RIC1: variants seen among roughly 807,000 people sequenced by gnomAD.
RIC1 encodes the protein RIC1 partner of RAB6A GEF complex, also known as guanine nucleotide exchange factor subunit RIC1.
In RIC1, 88 loss-of-function variants were observed where a neutral mutation model predicts 169.0. The observed-to-expected ratio is 0.52, with a 90% CI of 0.44 to 0.62. RIC1 has a LOEUF of 0.62. Ranked by LOEUF, RIC1 falls within the 20% of genes least tolerant of loss-of-function variation. The pLI is 0.00. For synonymous variants in RIC1, 790 were observed against 601.5 expected, an observed-to-expected ratio of 1.31 and a Z score of -4.59; for missense variants, 1,877 against 1,725.5, an observed-to-expected ratio of 1.09 and a Z score of -1.56.
chr9:5,686,541 A>C lies in RIC1; in HGVS notation c.253-3418A>C, dbSNP rs1821238544. Among the ~76,000 whole-genome samples, 3 of 148,708 alleles carry C rather than the reference A, an allele frequency of 2.0e-5. No homozygotes were observed. The Admixed American group carries it at 2.0e-4, about 10-fold the overall frequency. On this transcript the variant is annotated intron_variant, in intron 2 of 25. Coordinates refer to ENST00000414202, the MANE Select transcript of RIC1 (RefSeq NM_020829.4). ...CTATCACAAGAACAAAAAACCAAAC[A>C]CCGCATATTCTCACTCATAGGTGGG...
At chr9:5,639,630 T>C (rs889161219) in intron 1 of RIC1, among the ~76,000 whole-genome samples, 3 of 152,224 alleles carry the variant, frequency 2.0e-5, no homozygotes, top group Non-Finnish European at 4.4e-5. Flanking sequence ...TTAAGTCCGA[T>C]GTTTCTTTGT....
Position 5,720,595 on chromosome 9 carries a change from T to A in RIC1, c.584-19T>A, listed in dbSNP as rs1823528678. The A allele has an allele frequency of 6.4e-7, 1 of 1,572,378 alleles. No homozygotes were observed. On this transcript the variant is annotated intron_variant, in intron 5 of 25. Coordinates refer to ENST00000414202, the MANE Select transcript of RIC1 (RefSeq NM_020829.4). Reference sequence around the variant, plus strand: ...ATTATATTCTTAATCCTATTTCATGTGCTTATTTTTTTCATCAGTAGGTTC... The same window carrying A: ...ATTATATTCTTAATCCTATTTCATGAGCTTATTTTTTTCATCAGTAGGTTC...
chr9:5,749,881 C>T (rs1314938750), intron 12 of RIC1, among the ~76,000 whole-genome samples: 4 of 143,556 alleles, frequency 2.8e-5, no homozygotes, highest in Admixed American at 7.7e-5. Flanking sequence ...AGGGTTCAAG[C>T]GATTCTGCTG....
At chr9:5,760,340 C>G (rs1302297892) in intron 17 of RIC1, among the ~76,000 whole-genome samples, 3 of 152,160 alleles carry the variant, frequency 2.0e-5, no homozygotes, top group Non-Finnish European at 1.5e-5. Flanking sequence ...TTGCAGTCAT[C>G]TTTAACGTTA....
At chr9:5,702,779 T>C (rs1822312813) in intron 3 of RIC1, among the ~76,000 whole-genome samples, 1 of 152,146 alleles carries the variant, frequency 6.6e-6, no homozygotes, top group Non-Finnish European at 1.5e-5. Flanking sequence ...ACTCCTGAGC[T>C]CAGGCATTCT....
At chr9:5,675,749 T>C (rs1820405717) in intron 2 of RIC1, among the ~76,000 whole-genome samples, 1 of 152,146 alleles carries the variant, frequency 6.6e-6, no homozygotes, top group African/African-American at 2.4e-5. Flanking sequence ...GGAGGAATCA[T>C]ATGTAAAAAC....
chr9:5,764,841 T>C (rs1443080100), intron 19 of RIC1, among the ~76,000 whole-genome samples: 1 of 152,346 alleles, frequency 6.6e-6, no homozygotes, highest in East Asian at 1.9e-4. Flanking sequence ...TTGCTATGGA[T>C]TGGCAGATAA....
intron 8 of RIC1, among the ~76,000 whole-genome samples, chr9:5,740,415 T>C (rs1825008528): frequency 6.6e-6 from 1 of 152,032 alleles, no homozygotes; most frequent in African/African-American, 2.4e-5. Flanking sequence ...CTGGTACCAA[T>C]ATCTGTATTA....
intron 3 of RIC1, among the ~76,000 whole-genome samples, chr9:5,701,059 A>T (rs866125563): frequency 5.9e-5 from 9 of 152,192 alleles, no homozygotes; most frequent in African/African-American, 2.2e-4. Flanking sequence ...AATTTATCAA[A>T]ACTATCACTA....
intron 3 of RIC1, among the ~76,000 whole-genome samples, chr9:5,695,880 T>G (rs924394869): frequency 6.6e-6 from 1 of 152,124 alleles, no homozygotes; most frequent in Admixed American, 6.5e-5. Context: ...CTATTATGTC[T>G]TCTTAATGTC....
chr9:5,641,874 C>G (rs1818268275), intron 1 of RIC1, among the ~76,000 whole-genome samples: 1 of 144,162 alleles, frequency 6.9e-6, no homozygotes, highest in Admixed American at 6.7e-5. Flanking sequence ...TTTTGAATTC[C>G]TGCCTGAAAG....
intron 7 of RIC1, among the ~76,000 whole-genome samples, chr9:5,733,553 G>A (rs1345044594): frequency 1.3e-5 from 2 of 151,980 alleles, no homozygotes; most frequent in African/African-American, 4.8e-5. Flanking sequence ...GTGAGCCACC[G>A]TGCCCGGCCA....
intron 12 of RIC1, among the ~76,000 whole-genome samples, 156 bp downstream of exon 12, chr9:5,747,661 C>G (rs997862826): frequency 3.3e-5 from 5 of 152,238 alleles, no homozygotes; most frequent in African/African-American, 1.2e-4. Flanking sequence ...TTCTTGTCCT[C>G]TAGTCTTCTC....
intron 17 of RIC1, among the ~76,000 whole-genome samples, chr9:5,758,492 ATT>A (rs1412403073): frequency 6.6e-6 from 1 of 152,206 alleles, no homozygotes; most frequent in African/African-American, 2.4e-5. Flanking sequence ...TCTAAAATCA[ATT>A]TTGTTACCTT....
chr9:5,761,348 G>A (rs1249894965), intron 17 of RIC1, among the ~76,000 whole-genome samples: 2 of 151,618 alleles, frequency 1.3e-5, no homozygotes, highest in African/African-American at 2.4e-5. Context: ...TCCTGACCTC[G>A]TGATCCACCC....
At chr9:5,645,016 T>C (rs781350321) in intron 1 of RIC1, among the ~76,000 whole-genome samples, 1 of 152,254 alleles carries the variant, frequency 6.6e-6, no homozygotes, top group Non-Finnish European at 1.5e-5. Context: ...GCTATTTATA[T>C]ATCTTATTCC....
chr9:5,748,825 A>C (rs886348219), intron 12 of RIC1: 2 of 152,424 alleles, frequency 1.3e-5, no homozygotes, highest in African/African-American at 4.8e-5. Flanking sequence ...TACCCCATAT[A>C]AGAGAAACAT....
At position 5,774,379 on chromosome 9, in the gene RIC1, CTA is replaced by C. The variant is rs1827460783; in HGVS notation, c.*134_*135del. 3.1e-6 allele frequency: 2 copies of C among 648,422 alleles called. No individual in the cohort carries two copies. The highest frequency in any genetic ancestry group is 4.9e-5 in the South Asian group (1 of 20,448). 40.2% of individuals were successfully genotyped at this position (648,422 alleles called of 1,614,324 possible). On this transcript the variant is annotated 3_prime_UTR_variant, in exon 26 of 26. Transcript: ENST00000414202. ...TTCGGTAAGTATTAGTAGATTTTAA[CTA>C]ATTCTTTCTTGTCTAAGAAATCTTT...
chr9:5,704,578 T>C (rs1822443247), intron 3 of RIC1, among the ~76,000 whole-genome samples: 1 of 152,192 alleles, frequency 6.6e-6, no homozygotes, highest in Non-Finnish European at 1.5e-5. Flanking sequence ...TTCTGGATAC[T>C]ACATCCTTTT....
Sources: gnomAD v4.1 joint callset for allele counts (sites outside exome capture counted in the v4.1 genomes callset) on GRCh38, gnomAD v4.1.1 for gene constraint, MANE v1.5 for transcripts, NCBI Gene and HGNC (gene_info 2026-07-23, HGNC 2026-07-21) for gene names.